The following FGF12 variants were observed in gnomAD, a reference collection of about 807,000 sequenced individuals.
The protein encoded by FGF12 is fibroblast growth factor 12, also known as fibroblast growth factor 12B.
In FGF12, 14 loss-of-function variants were observed where a neutral mutation model predicts 23.6. The ratio of observed to expected loss-of-function variants is 0.59; its 90% CI spans 0.39 to 0.93. The LOEUF is 0.93. Among genes scored for constraint, FGF12 ranks in the 40% least tolerant of loss-of-function variants. The pLI is 0.00. For synonymous variants in FGF12, 62 were observed against 77.3 expected (o/e 0.80, Z 1.04); for missense variants, 175 against 217.8 (o/e 0.80, Z 1.24).
At chr3:192,203,124 A>G (rs1399450260) in intron 4 of FGF12, among the ~76,000 whole-genome samples, 3 of 147,060 alleles carry the variant, frequency 2.0e-5, no homozygotes, top group African/African-American at 7.9e-5. Flanking sequence ...ACTTAAAAGC[A>G]TTAAATATTT....
At chr3:192,145,701 T>C (rs963843573) in intron 5 of FGF12, among the ~76,000 whole-genome samples, 1 of 152,216 alleles carries the variant, frequency 6.6e-6, no homozygotes, top group African/African-American at 2.4e-5. Context: ...GGATGGCTCT[T>C]CCAACATCCC....
chr3:192,174,700 CT>C (rs35576382), intron 4 of FGF12, among the ~76,000 whole-genome samples: 36,913 of 142,344 alleles, frequency 0.26, 5,659 homozygotes, highest in African/African-American at 0.44. Flanking sequence ...TATTATGCCT[CT>C]TTTTTTTTTG....
At chr3:192,634,291 C>A (rs188479871) in intron 2 of FGF12, among the ~76,000 whole-genome samples, 1 of 150,348 alleles carries the variant, frequency 6.7e-6, no homozygotes. Flanking sequence ...AAATGCAGAT[C>A]GAAAATATCC....
chr3:192,642,952 A>T (rs1715862407), intron 2 of FGF12, among the ~76,000 whole-genome samples: 1 of 152,164 alleles, frequency 6.6e-6, no homozygotes, highest in African/African-American at 2.4e-5. Context: ...TTTTACTACT[A>T]AATGCTCTGA....
chr3:192,243,490 A>G (rs1274192739), intron 4 of FGF12, among the ~76,000 whole-genome samples: 2 of 151,476 alleles, frequency 1.3e-5, no homozygotes, highest in African/African-American at 4.8e-5. Flanking sequence ...GGAAAAAGAT[A>G]GTTTATTTAA....
At chr3:192,296,599 T>C (rs1024457188) in intron 4 of FGF12, among the ~76,000 whole-genome samples, 4 of 152,198 alleles carry the variant, frequency 2.6e-5, no homozygotes, top group African/African-American at 9.7e-5. Context: ...AAACATGATA[T>C]TAATATTTAC....
intron 2 of FGF12, among the ~76,000 whole-genome samples, chr3:192,643,390 C>A (rs1715877794): frequency 6.6e-6 from 1 of 152,078 alleles, no homozygotes; most frequent in Non-Finnish European, 1.5e-5. Flanking sequence ...GGATTTTGTC[C>A]AATGTGAATC....
intron 2 of FGF12, among the ~76,000 whole-genome samples, chr3:192,402,959 T>C (rs1265261627): frequency 6.6e-6 from 1 of 152,192 alleles, no homozygotes; most frequent in African/African-American, 2.4e-5. Flanking sequence ...ATATCAAGCG[T>C]GTCCTCTATG....
intron 3 of FGF12, among the ~76,000 whole-genome samples, chr3:192,359,741 A>AG (rs1347492462): frequency 6.6e-6 from 1 of 152,024 alleles, no homozygotes; most frequent in Admixed American, 6.6e-5. Context: ...GCACTTAAAA[A>AG]CTATATCCAG....
intron 4 of FGF12, among the ~76,000 whole-genome samples, chr3:192,229,235 G>A (rs1443581775): frequency 4.0e-5 from 6 of 151,634 alleles, no homozygotes; most frequent in East Asian, 1.9e-4. Context: ...ATTAAGATGC[G>A]AACCCAAGAA....
intron 4 of FGF12, among the ~76,000 whole-genome samples, chr3:192,198,241 C>T (rs985937627): frequency 4.6e-5 from 7 of 151,976 alleles, no homozygotes; most frequent in Admixed American, 2.6e-4. Flanking sequence ...TTTTTTATGA[C>T]CAAAATGTTT....
chr3:192,273,961 G>GT (rs1713615658), intron 4 of FGF12, among the ~76,000 whole-genome samples: 1 of 150,946 alleles, frequency 6.6e-6, no homozygotes, highest in African/African-American at 2.4e-5. Context: ...CATCAGCATC[G>GT]TAATGACTGA....
chr3:192,210,914 G>A (rs9861933), intron 4 of FGF12, among the ~76,000 whole-genome samples: 2 of 152,298 alleles, frequency 1.3e-5, no homozygotes, highest in South Asian at 4.1e-4. Flanking sequence ...TGGAGGCAAC[G>A]AGAAGAACAA....
chr3:192,568,442 C>A (rs1210652135), intron 2 of FGF12, among the ~76,000 whole-genome samples: 1 of 152,156 alleles, frequency 6.6e-6, no homozygotes, highest in Non-Finnish European at 1.5e-5. Context: ...CAAAATCTGA[C>A]ACCATTTTGC....
intron 2 of FGF12, among the ~76,000 whole-genome samples, chr3:192,588,466 A>C (rs1253398572): frequency 1.3e-5 from 2 of 151,748 alleles, no homozygotes; most frequent in Non-Finnish European, 2.9e-5. Context: ...TTTATAAAAC[A>C]GTGGCATATT....
intron 2 of FGF12, among the ~76,000 whole-genome samples, chr3:192,553,266 T>TA (rs1017428153): frequency 1.5e-4 from 23 of 151,310 alleles, no homozygotes; most frequent in African/African-American, 4.8e-4. Flanking sequence ...CTAGTCAAAG[T>TA]AAAAAAAAGA....
chr3:192,432,180 C>T (rs1576977365), intron 2 of FGF12, among the ~76,000 whole-genome samples: 1 of 152,202 alleles, frequency 6.6e-6, no homozygotes, highest in African/African-American at 2.4e-5. Context: ...AACAAAGATG[C>T]AAAAATGAAT....
chr3:192,656,646 T>TA (rs1208486515), intron 2 of FGF12, among the ~76,000 whole-genome samples: 1 of 152,102 alleles, frequency 6.6e-6, no homozygotes, highest in Non-Finnish European at 1.5e-5. Context: ...ACCAAAGACT[T>TA]AAGCCATACA....
chr3:192,573,927 A>G (rs753988513), intron 2 of FGF12, among the ~76,000 whole-genome samples: 14 of 152,232 alleles, frequency 9.2e-5, no homozygotes, highest in Non-Finnish European at 1.2e-4. Context: ...AAGTTCAATA[A>G]TAGGTTTAAC....
Sources: gnomAD v4.1 joint callset for allele counts (sites outside exome capture counted in the v4.1 genomes callset) on GRCh38, gnomAD v4.1.1 for gene constraint, MANE v1.5 for transcripts, NCBI Gene and HGNC (gene_info 2026-07-23, HGNC 2026-07-21) for gene names.